Variants in ATP6V1A observed in about 807,000 individuals in gnomAD.
ATP6V1A encodes the protein ATPase H+ transporting V1 subunit A.
A neutral mutation model predicts 70.1 loss-of-function variants in ATP6V1A; 18 were observed. The ratio of observed to expected loss-of-function variants is 0.26; its 90% CI spans 0.18 to 0.38. ATP6V1A has a LOEUF of 0.38. ATP6V1A is among the 10% of genes least tolerant of loss of function. ATP6V1A has a pLI of 1.00. For missense variants in ATP6V1A, 424 were observed against 772.4 expected, an observed-to-expected ratio of 0.55 and a Z score of 5.35; for synonymous variants, 232 against 253.8, an observed-to-expected ratio of 0.91 and a Z score of 0.82.
intron 7 of ATP6V1A, 79 bp from the exon 8 acceptor site, chr3:113,789,652 TA>T (rs11385012): frequency 0.016 from 14,347 of 906,968 alleles, no homozygotes; most frequent in South Asian, 0.026. Context: ...GGCAAAAGTT[TA>T]AAAAAAAAAA....
chr3:113,771,092 CAA>C (rs772702527), intron 1 of ATP6V1A, among the ~76,000 whole-genome samples: 17 of 118,992 alleles, frequency 1.4e-4, no homozygotes, highest in Admixed American at 1.7e-4. Context: ...GAGACTCCAT[CAA>C]AAAAAAAAAA....
chr3:113,797,055 C>T (rs1360440983), intron 11 of ATP6V1A, among the ~76,000 whole-genome samples: 1 of 152,156 alleles, frequency 6.6e-6, no homozygotes, highest in African/African-American at 2.4e-5. Flanking sequence ...CCTGCCTCAG[C>T]CTCCCAAGTA....
chr3:113,798,140 A>T, intron 11 of ATP6V1A, 103 bp from the exon 12 acceptor site: 1 of 1,354,490 alleles, frequency 7.4e-7, no homozygotes. Flanking sequence ...CTCAAAAACA[A>T]AAAAAAAAGA....
At chr3:113,772,833 T>G (rs1417377370) in intron 1 of ATP6V1A, among the ~76,000 whole-genome samples, 1 of 151,928 alleles carries the variant, frequency 6.6e-6, no homozygotes, top group Non-Finnish European at 1.5e-5. Flanking sequence ...GATTTCAGGA[T>G]GTATTTACAA....
At chr3:113,755,486 C>T (rs1037259283) in intron 1 of ATP6V1A, among the ~76,000 whole-genome samples, 20 of 151,586 alleles carry the variant, frequency 1.3e-4, no homozygotes, top group Admixed American at 1.1e-3. Flanking sequence ...ATCTAGTTCC[C>T]GCTATTCGGG....
At chr3:113,778,446 A>G (rs1367212562) in intron 1 of ATP6V1A, among the ~76,000 whole-genome samples, 1 of 151,890 alleles carries the variant, frequency 6.6e-6, no homozygotes, top group East Asian at 1.9e-4. Flanking sequence ...GGTGGTACAC[A>G]CCTGTAGTCA....
In ATP6V1A at chr3:113,760,281, C is replaced by T. The variant is rs80077270; in HGVS notation, c.-14+13168C>T. Among the ~76,000 whole-genome samples the T allele has an allele frequency of 2.5e-3, 383 of 152,236 alleles. 12 individuals carry two copies. In the East Asian group the frequency reaches 0.064, roughly 25 times the overall value. ...GGCAGCATTCTTTTCTTCTTTTATC[C>T]TTTGTGCTTTAGGATATATTTTTAT... On this transcript the variant is annotated intron_variant, in intron 1 of 14. Coordinates refer to ENST00000273398, the MANE Select transcript of ATP6V1A (RefSeq NM_001690.4).
intron 6 of ATP6V1A, among the ~76,000 whole-genome samples, chr3:113,787,306 C>T (rs1458133913): frequency 1.3e-5 from 2 of 152,066 alleles, no homozygotes; most frequent in African/African-American, 2.4e-5. Flanking sequence ...AACTCCATGC[C>T]TGGGATAAAT....
intron 13 of ATP6V1A, among the ~76,000 whole-genome samples, chr3:113,804,460 C>T (rs777218147): frequency 1.3e-5 from 2 of 152,250 alleles, no homozygotes; most frequent in East Asian, 1.9e-4. Flanking sequence ...ATCAATGCTA[C>T]TACTGAGGCT....
At chr3:113,801,706 G>C (rs777388011) in intron 12 of ATP6V1A, among the ~76,000 whole-genome samples, 25 of 152,118 alleles carry the variant, frequency 1.6e-4, no homozygotes, top group Non-Finnish European at 2.8e-4. Flanking sequence ...AAATACATGA[G>C]AGCTGGAAGC....
chr3:113,765,127 G>A (rs1254716386), intron 1 of ATP6V1A, among the ~76,000 whole-genome samples: 1 of 151,834 alleles, frequency 6.6e-6, no homozygotes, highest in African/African-American at 2.4e-5. Flanking sequence ...TAGCAAAGTT[G>A]TATCGAGTCT....
chr3:113,786,357 C>A lies in ATP6V1A; in HGVS notation c.690C>A (p.Gly230=), dbSNP rs757138714. 6.2e-7 allele frequency: 1 copy of A among 1,613,510 alleles called. No homozygotes were observed. Among genetic ancestry groups the A allele is most frequent in the Non-Finnish European group, 8.5e-7 (1 of 1,179,742 alleles). The change falls in exon 6 of 15, where the codon GGC becomes GGA. Residue 230 remains glycine (G), a synonymous_variant. Transcript: ENST00000273398. ...KLPANHPLLT[G]QRVLDALFPC... ...CAGCCAATCATCCTCTGTTGACTGG[C>A]CAGAGAGTCCTTGATGCCCTTTTTC...
At chr3:113,808,145 C>CAAAGA (rs564042710) in intron 14 of ATP6V1A, among the ~76,000 whole-genome samples, 1 of 146,522 alleles carries the variant, frequency 6.8e-6, no homozygotes, top group African/African-American at 2.5e-5. Flanking sequence ...AAAAAAAAAA[C>CAAAGA]AAAGAAAAGA....
At chr3:113,749,875 A>C (rs954120482) in intron 1 of ATP6V1A, among the ~76,000 whole-genome samples, 34 of 152,210 alleles carry the variant, frequency 2.2e-4, no homozygotes, top group African/African-American at 8.0e-4. Context: ...AACCTTCCAA[A>C]TTCATGGTCA....
At chr3:113,769,645 A>T (rs1206397231) in intron 1 of ATP6V1A, among the ~76,000 whole-genome samples, 1 of 152,214 alleles carries the variant, frequency 6.6e-6, no homozygotes, top group Non-Finnish European at 1.5e-5. Flanking sequence ...AACCAGCAGC[A>T]ATTTGGAGTG....
chr3:113,785,510 T>TC (rs1268572701), intron 5 of ATP6V1A, among the ~76,000 whole-genome samples: 3 of 143,974 alleles, frequency 2.1e-5, no homozygotes, highest in South Asian at 2.2e-4. Flanking sequence ...TCTTTTCTTT[T>TC]TTTTTTTTTT....
intron 3 of ATP6V1A, among the ~76,000 whole-genome samples, chr3:113,782,522 C>T (rs1708986800): frequency 1.6e-5 from 2 of 122,678 alleles, no homozygotes; most frequent in African/African-American, 5.6e-5. Context: ...TTTTTCTTTC[C>T]TTTCTCTCTC....
intron 1 of ATP6V1A, among the ~76,000 whole-genome samples, chr3:113,758,551 A>C (rs1348958411): frequency 6.6e-6 from 1 of 152,186 alleles, no homozygotes; most frequent in African/African-American, 2.4e-5. Context: ...CATTTTATGG[A>C]TATACCATAG....
intron 3 of ATP6V1A, among the ~76,000 whole-genome samples, chr3:113,781,743 T>C (rs1708980030): frequency 6.6e-6 from 1 of 152,196 alleles, no homozygotes; most frequent in African/African-American, 2.4e-5. Flanking sequence ...TTCATGAACT[T>C]AAGGGGGACC....
Sources: gnomAD v4.1 joint callset for allele counts (sites outside exome capture counted in the v4.1 genomes callset) on GRCh38, gnomAD v4.1.1 for gene constraint, MANE v1.5 for transcripts, NCBI Gene and HGNC (gene_info 2026-07-23, HGNC 2026-07-21) for gene names.